The following SUGCT variants were observed in gnomAD, a reference collection of about 807,000 sequenced individuals.
SUGCT encodes the protein succinyl-CoA:glutarate CoA-transferase.
A neutral mutation model predicts 55.0 loss-of-function variants in SUGCT; 41 were observed. The observed-to-expected ratio is 0.74, with a 90% CI of 0.58 to 0.97. The LOEUF (loss-of-function observed/expected upper bound fraction) is 0.97. Among genes scored for constraint, SUGCT ranks in the 50% least tolerant of loss-of-function variants. The pLI is 0.00. For synonymous variants in SUGCT, 187 were observed against 200.4 expected (o/e 0.93, Z 0.56); for missense variants, 568 against 547.8 (o/e 1.04, Z -0.37).
At chr7:40,921,042 G>C in the SUGCT span, among the ~76,000 whole-genome samples, 9 of 152,228 alleles carry the variant, frequency 5.9e-5, no homozygotes, top group Admixed American at 5.9e-4. Context: ...GGTACTGTTA[G>C]CTCCACACTC....
At chr7:40,434,490 G>C (rs2151392296) in intron 9 of SUGCT, among the ~76,000 whole-genome samples, 1 of 152,096 alleles carries the variant, frequency 6.6e-6, no homozygotes, top group Middle Eastern at 3.4e-3. Context: ...CCAGATTCAT[G>C]GGGACTTGAG....
chr7:40,153,667 G>T, intron 1 of SUGCT: 1 of 518,984 alleles, frequency 1.9e-6, no homozygotes, highest in South Asian at 1.4e-5. Flanking sequence ...CCAATAGAGG[G>T]GACTACTTAA....
At chr7:40,959,793 C>T in the SUGCT span, among the ~76,000 whole-genome samples, 1 of 151,848 alleles carries the variant, frequency 6.6e-6, no homozygotes, top group Non-Finnish European at 1.5e-5. Context: ...AAACCCAGGG[C>T]ACTGGTGGTG....
At chr7:40,700,800 C>A (rs1785141579) in intron 12 of SUGCT, among the ~76,000 whole-genome samples, 1 of 152,130 alleles carries the variant, frequency 6.6e-6, no homozygotes, top group African/African-American at 2.4e-5. Context: ...CAAAAAGCAG[C>A]CACTGATTCT....
chr7:40,881,716 G>A, the SUGCT span, among the ~76,000 whole-genome samples: 4 of 152,342 alleles, frequency 2.6e-5, no homozygotes, highest in South Asian at 8.3e-4. Context: ...CCATGTGGAA[G>A]TTGACACTGG....
chr7:40,442,879 C>G (rs1009911415), intron 9 of SUGCT, among the ~76,000 whole-genome samples: 1 of 152,150 alleles, frequency 6.6e-6, no homozygotes, highest in Non-Finnish European at 1.5e-5. Flanking sequence ...CCCTTCCCCC[C>G]ACACCATGAC....
At chr7:41,017,341 A>G in the SUGCT span, among the ~76,000 whole-genome samples, 2 of 64,296 alleles carry the variant, frequency 3.1e-5, no homozygotes, top group South Asian at 1.3e-3. Context: ...GGAAAGACAA[A>G]GGGGGTTGAA....
intron 12 of SUGCT, among the ~76,000 whole-genome samples, chr7:40,549,532 C>G (rs1795189677): frequency 6.6e-6 from 1 of 152,052 alleles, no homozygotes; most frequent in African/African-American, 2.4e-5. Flanking sequence ...TGGACACACA[C>G]AACTCTCTAG....
intron 7 of SUGCT, among the ~76,000 whole-genome samples, chr7:40,253,991 A>C (rs1451007613): frequency 2.6e-5 from 4 of 152,248 alleles, no homozygotes; most frequent in Non-Finnish European, 5.9e-5. Flanking sequence ...TTATAGACTC[A>C]ATCCCAGTGA....
chr7:40,586,790 C>A (rs1385491508), intron 12 of SUGCT, among the ~76,000 whole-genome samples: 1 of 152,216 alleles, frequency 6.6e-6, no homozygotes, highest in African/African-American at 2.4e-5. Flanking sequence ...GAACTCATAT[C>A]TGTCTAGCTC....
intron 12 of SUGCT, among the ~76,000 whole-genome samples, chr7:40,573,609 C>A (rs1385494248): frequency 1.3e-5 from 2 of 152,200 alleles, no homozygotes; most frequent in East Asian, 3.8e-4. Context: ...TTTTCAAAAG[C>A]AGCAGCAGAT....
chr7:40,253,107 A>T (rs1222446764), intron 7 of SUGCT, among the ~76,000 whole-genome samples: 1 of 152,230 alleles, frequency 6.6e-6, no homozygotes, highest in Non-Finnish European at 1.5e-5. Context: ...TTTATTATCT[A>T]TGCAAATTTA....
intron 8 of SUGCT, among the ~76,000 whole-genome samples, chr7:40,279,807 G>A (rs1792832889): frequency 6.6e-6 from 1 of 151,850 alleles, no homozygotes; most frequent in Non-Finnish European, 1.5e-5. Flanking sequence ...CTATTTGTAG[G>A]TACTTTTCAA....
chr7:40,139,941 T>C (rs1385978131), intron 1 of SUGCT, among the ~76,000 whole-genome samples: 1 of 151,978 alleles, frequency 6.6e-6, no homozygotes, highest in Non-Finnish European at 1.5e-5. Context: ...TCGCTTTTGT[T>C]GTCCAGGCTG....
the SUGCT span, among the ~76,000 whole-genome samples, chr7:40,947,026 T>C: frequency 6.6e-6 from 1 of 152,196 alleles, no homozygotes; most frequent in African/African-American, 2.4e-5. Flanking sequence ...AAATTTTTCA[T>C]GCATTTTATC....
At chr7:40,902,394 A>T in the SUGCT span, among the ~76,000 whole-genome samples, 1 of 152,036 alleles carries the variant, frequency 6.6e-6, no homozygotes, top group Non-Finnish European at 1.5e-5. Context: ...CCTGGCTAAT[A>T]TGGTGAAACC....
chr7:40,543,891 C>G (rs990510440), intron 12 of SUGCT, among the ~76,000 whole-genome samples: 1 of 152,142 alleles, frequency 6.6e-6, no homozygotes, highest in Non-Finnish European at 1.5e-5. Flanking sequence ...TGAAAGTATT[C>G]CAAACTTCCA....
the SUGCT span, among the ~76,000 whole-genome samples, chr7:40,960,467 G>A: frequency 6.6e-6 from 1 of 152,050 alleles, no homozygotes; most frequent in Non-Finnish European, 1.5e-5. Context: ...TCTCCATTTT[G>A]CTTCCAGGTC....
intron 6 of SUGCT, among the ~76,000 whole-genome samples, chr7:40,216,494 G>A (rs1466607888): frequency 1.2e-4 from 14 of 117,766 alleles, no homozygotes; most frequent in East Asian, 2.4e-4. Flanking sequence ...GCAAGACTCC[G>A]TCTCAAAAAA....
Sources: allele counts gnomAD v4.1 joint callset (sites outside exome capture counted in the v4.1 genomes callset), GRCh38; gene constraint gnomAD v4.1.1; transcripts MANE v1.5; gene names NCBI Gene and HGNC (gene_info 2026-07-23, HGNC 2026-07-21).